The following DYM variants were observed in gnomAD, a reference collection of about 807,000 sequenced individuals.
DYM encodes dyggve-Melchior-Clausen syndrome protein.
Under a neutral mutation model 93.1 loss-of-function variants are expected in DYM, and 78 were observed. The ratio of observed to expected loss-of-function variants is 0.84; its 90% CI spans 0.70 to 1.01. The LOEUF is 1.01. DYM is among the 50% of genes least tolerant of loss of function. The pLI is 0.00. For synonymous variants in DYM, 321 were observed against 319.7 expected (o/e 1.00, Z -0.04); for missense variants, 789 against 845.0 (o/e 0.93, Z 0.82).
chr18:49,076,615 G>A (rs2077331574), intron 17 of DYM, among the ~76,000 whole-genome samples: 1 of 152,194 alleles, frequency 6.6e-6, no homozygotes, highest in Admixed American at 6.5e-5. Flanking sequence ...AACCCTTGAA[G>A]GTACTGCAAA....
chr18:49,292,588 G>C (rs1390334368), intron 8 of DYM, among the ~76,000 whole-genome samples: 4 of 77,746 alleles, frequency 5.1e-5, no homozygotes, highest in African/African-American at 2.0e-4. Context: ...GCATTTTCCT[G>C]TTGGAAAAAA....
At chr18:49,108,615 T>C (rs1209517246) in intron 16 of DYM, among the ~76,000 whole-genome samples, 2 of 152,260 alleles carry the variant, frequency 1.3e-5, no homozygotes, top group South Asian at 2.1e-4. Flanking sequence ...GGTGATCTCA[T>C]CTCATTTAAA....
At chr18:49,131,049 A>T (rs771959533) in intron 15 of DYM, among the ~76,000 whole-genome samples, 23 of 152,236 alleles carry the variant, frequency 1.5e-4, no homozygotes, top group Non-Finnish European at 2.9e-4. Flanking sequence ...AACGTATTTA[A>T]AACTATTTAT....
intron 14 of DYM, among the ~76,000 whole-genome samples, chr18:49,171,183 G>A (rs2088669449): frequency 3.3e-5 from 5 of 152,098 alleles, no homozygotes; most frequent in Admixed American, 2.0e-4. Context: ...AGATTTTTAA[G>A]AAGTTGAACA....
chr18:49,372,508 C>T (rs955575008), intron 5 of DYM, among the ~76,000 whole-genome samples: 4 of 152,050 alleles, frequency 2.6e-5, no homozygotes, highest in South Asian at 2.1e-4. Context: ...TTTGGGAGGC[C>T]GAGGCAGGCA....
chr18:49,313,034 T>C (rs2061693048), intron 8 of DYM, among the ~76,000 whole-genome samples: 2 of 152,068 alleles, frequency 1.3e-5, no homozygotes, highest in African/African-American at 4.8e-5. Flanking sequence ...CCATAGCAAC[T>C]CCATCTTGAA....
intron 13 of DYM, among the ~76,000 whole-genome samples, chr18:49,247,140 T>C (rs1249422344): frequency 6.6e-6 from 1 of 152,156 alleles, no homozygotes; most frequent in Non-Finnish European, 1.5e-5. Context: ...TGGGCAGGTG[T>C]GCTTGAAGGC....
chr18:49,128,947 T>G (rs770536316), intron 15 of DYM, among the ~76,000 whole-genome samples: 3 of 152,096 alleles, frequency 2.0e-5, no homozygotes, highest in Non-Finnish European at 4.4e-5. Flanking sequence ...TCTTTGATAC[T>G]CTTAATAAAC....
intron 15 of DYM, 49 bp downstream of exon 15, chr18:49,163,636 G>T: frequency 7.9e-7 from 1 of 1,273,800 alleles, no homozygotes; most frequent in Non-Finnish European, 1.1e-6. Flanking sequence ...GAGTTACTGT[G>T]CCTGGCTGAA....
chr18:49,263,566 T>C (rs2145312481), intron 11 of DYM, among the ~76,000 whole-genome samples: 1 of 151,642 alleles, frequency 6.6e-6, no homozygotes, highest in African/African-American at 2.4e-5. Context: ...CTGTCTCTAC[T>C]AAAAATAAAA....
chr18:49,154,211 T>C (rs73441553), intron 15 of DYM, among the ~76,000 whole-genome samples: 17,428 of 152,100 alleles, frequency 0.11, 1,190 homozygotes, highest in East Asian at 0.29. Flanking sequence ...GGAAATTTAA[T>C]ATGGGATCCT....
In DYM at chr18:49,209,618, G is replaced by C. The variant is rs551028389; in HGVS notation, c.1558C>G (p.Leu520Val). ...CSTLQHCFST[L>V]SDNGEELLSL... ...AAGAGTTCCTCTCCATTGTCACTGA[G>C]GGTCGAGAAGCAATGCTGAAGCGTA... The change falls in exon 14 of 18, where the codon CTC (leucine) becomes GTC (valine). Residue 520 changes from leucine to valine, a missense_variant. By Grantham distance (32) the Leu-to-Val change is conservative (BLOSUM62 1). Transcript: ENST00000675505. 43 of 1,289,766 alleles carry C rather than the reference G, an allele frequency of 3.3e-5. 1 individual carries two copies. In the African/African-American group the frequency reaches 5.3e-4, roughly 16 times the overall value. The allele number at this position is 1,289,766 out of a possible 1,614,324, so 79.9% of individuals were successfully genotyped here. A position where few individuals can be genotyped will look rare whatever the true frequency, so the allele number is the denominator to read the frequency against.
chr18:49,431,397 T>C (rs1018134499), intron 1 of DYM, among the ~76,000 whole-genome samples: 16 of 152,210 alleles, frequency 1.1e-4, no homozygotes, highest in African/African-American at 3.6e-4. Context: ...CTAAACAGTA[T>C]GTTGAAGGAA....
intron 17 of DYM, among the ~76,000 whole-genome samples, chr18:49,078,324 G>A (rs985038616): frequency 6.6e-6 from 1 of 151,922 alleles, no homozygotes; most frequent in African/African-American, 2.4e-5. Context: ...CTTATTTCAC[G>A]TTGCATGCCT....
At chr18:49,444,964 T>C (rs918436788) in intron 1 of DYM, among the ~76,000 whole-genome samples, 9 of 152,184 alleles carry the variant, frequency 5.9e-5, no homozygotes, top group Admixed American at 3.9e-4. Flanking sequence ...ATTTTGATGA[T>C]AGAGAACACT....
intron 17 of DYM, among the ~76,000 whole-genome samples, chr18:49,084,536 G>T (rs1033184542): frequency 1.3e-5 from 2 of 152,086 alleles, no homozygotes; most frequent in Non-Finnish European, 2.9e-5. Context: ...TTCTACTACT[G>T]GGGCATTAGT....
At chr18:49,167,364 T>C (rs975552514) in intron 14 of DYM, among the ~76,000 whole-genome samples, 2 of 152,142 alleles carry the variant, frequency 1.3e-5, no homozygotes, top group African/African-American at 4.8e-5. Flanking sequence ...CTGTGGATAC[T>C]GCTTCTAGCT....
At position 49,248,572 on chromosome 18, in the gene DYM, G is replaced by T. The variant is rs1397626772; in HGVS notation, c.1460+8438C>A. Among the ~76,000 whole-genome samples the T allele has an allele frequency of 5.3e-5, 8 of 151,438 alleles. No homozygotes were observed. In the East Asian group the frequency reaches 1.6e-3, roughly 29 times the overall value. On this transcript the variant is annotated intron_variant, in intron 13 of 17. Coordinates refer to ENST00000675505, the MANE Select transcript of DYM (RefSeq NM_001353214.3). ...ACCATCAGATAATTCCTTCCCTAAAGAAATAATTTCCTGACTACAGTGCTA... is the reference window on the plus strand; with the variant it reads ...ACCATCAGATAATTCCTTCCCTAAATAAATAATTTCCTGACTACAGTGCTA...
chr18:49,055,396 G>A (rs1041406311), intron 17 of DYM, among the ~76,000 whole-genome samples: 4 of 152,172 alleles, frequency 2.6e-5, no homozygotes, highest in African/African-American at 4.8e-5. Flanking sequence ...AGTTGCCTAC[G>A]CGTCAACTCC....
Sources: allele counts gnomAD v4.1 joint callset (sites outside exome capture counted in the v4.1 genomes callset), GRCh38; gene constraint gnomAD v4.1.1; transcripts MANE v1.5; gene names NCBI Gene and HGNC (gene_info 2026-07-23, HGNC 2026-07-21).